Variants in SGCD observed in about 807,000 individuals in gnomAD.
SGCD encodes the protein sarcoglycan delta.
In SGCD, 18 loss-of-function variants were observed where a neutral mutation model predicts 36.6. The ratio of observed to expected loss-of-function variants is 0.49; its 90% CI spans 0.34 to 0.73. SGCD has a LOEUF of 0.73. SGCD is among the 30% of genes least tolerant of loss of function. The probability of loss-of-function intolerance (pLI) is 0.01; values close to 1 mark genes in which losing one functional copy is unlikely to be tolerated. For synonymous variants in SGCD, 133 were observed against 130.6 expected (o/e 1.02, Z -0.12); for missense variants, 387 against 346.7 (o/e 1.12, Z -0.92).
At chr5:155,899,147 C>A (rs1008133207) in intron 1 of SGCD, among the ~76,000 whole-genome samples, 1 of 152,096 alleles carries the variant, frequency 6.6e-6, no homozygotes, top group Non-Finnish European at 1.5e-5. Context: ...TATTTGTATG[C>A]CATGCTAATG....
At chr5:155,729,682 C>CG in the SGCD span, among the ~76,000 whole-genome samples, 3 of 152,180 alleles carry the variant, frequency 2.0e-5, no homozygotes, top group African/African-American at 7.2e-5. Flanking sequence ...CCCCGAGCCC[C>CG]GGGCTGCCTC....
intron 3 of SGCD, among the ~76,000 whole-genome samples, chr5:156,233,351 G>A (rs888089375): frequency 2.0e-5 from 3 of 152,284 alleles, no homozygotes; most frequent in East Asian, 1.9e-4. Context: ...ACATCATAAC[G>A]GGAATTCTCT....
the SGCD span, among the ~76,000 whole-genome samples, chr5:155,858,820 G>T: frequency 1.3e-5 from 2 of 152,016 alleles, no homozygotes; most frequent in Non-Finnish European, 2.9e-5. Context: ...ACCCTGCTAC[G>T]GATTAACTGA....
chr5:156,464,217 T>TA (rs1754623442), intron 3 of SGCD, among the ~76,000 whole-genome samples: 1 of 31,716 alleles, frequency 3.2e-5, no homozygotes, highest in South Asian at 1.7e-3. Flanking sequence ...AATCTACATA[T>TA]TTTTTTTTTT....
At chr5:156,676,297 A>C (rs537567988) in intron 7 of SGCD, among the ~76,000 whole-genome samples, 1 of 152,160 alleles carries the variant, frequency 6.6e-6, no homozygotes, top group Non-Finnish European at 1.5e-5. Flanking sequence ...TCCTGCCTGC[A>C]ACCTGTTGCT....
At chr5:156,312,771 A>C (rs1303385487) in intron 3 of SGCD, among the ~76,000 whole-genome samples, 1 of 152,188 alleles carries the variant, frequency 6.6e-6, no homozygotes, top group Non-Finnish European at 1.5e-5. Flanking sequence ...CATGAAAAGC[A>C]TTTAACATGG....
At chr5:156,338,409 C>A (rs1030688815) in intron 2 of SGCD, among the ~76,000 whole-genome samples, 1 of 152,142 alleles carries the variant, frequency 6.6e-6, no homozygotes, top group Non-Finnish European at 1.5e-5. Flanking sequence ...ACCCATGACC[C>A]TTTTTCATCC....
intron 3 of SGCD, among the ~76,000 whole-genome samples, chr5:156,482,675 G>A (rs1755483989): frequency 6.6e-6 from 1 of 152,020 alleles, no homozygotes; most frequent in South Asian, 2.1e-4. Context: ...CTACTTGTAT[G>A]ATCTGAAGAA....
intron 3 of SGCD, among the ~76,000 whole-genome samples, chr5:156,225,154 G>A (rs1764819271): frequency 6.6e-6 from 1 of 152,040 alleles, no homozygotes; most frequent in Admixed American, 6.6e-5. Context: ...AGGTGTCAGA[G>A]GGCCCCTGCT....
rs191481180 is a variant in SGCD at position 156,576,887 on chromosome 5, C to G, written c.295-12344C>G. Among the ~76,000 whole-genome samples, 106 of 152,130 alleles carry G rather than the reference C, an allele frequency of 7.0e-4. 1 individual carries two copies. Among genetic ancestry groups the G allele is most frequent in the Admixed American group, 2.2e-3 (33 of 15,268 alleles). ...AGGTTACCTGTTCACTCTGATGGTA[C>G]TTTCTTTCGCTGTGCAGAAGCTCTT... On this transcript the variant is annotated intron_variant, in intron 4 of 8. Transcript: ENST00000337851.
At chr5:156,188,303 C>A (rs1763810608) in intron 3 of SGCD, among the ~76,000 whole-genome samples, 1 of 151,846 alleles carries the variant, frequency 6.6e-6, no homozygotes. Context: ...GAGGGACAGT[C>A]AAAAAATAAT....
chr5:156,524,096 A>C (rs1757533356), intron 4 of SGCD, among the ~76,000 whole-genome samples: 1 of 554 alleles, frequency 1.8e-3, no homozygotes, highest in Admixed American at 7.6e-3. Context: ...AGGTCTTACT[A>C]TATATATATA....
intron 5 of SGCD, 133 bp from the exon 6 acceptor site, chr5:156,594,799 G>A: frequency 1.6e-6 from 1 of 617,454 alleles, no homozygotes; most frequent in South Asian, 2.1e-5. Context: ...GAACATTGAA[G>A]TCTCATACAA....
intron 3 of SGCD, among the ~76,000 whole-genome samples, chr5:156,320,800 C>A (rs1767635597): frequency 6.6e-6 from 1 of 152,186 alleles, no homozygotes; most frequent in Non-Finnish European, 1.5e-5. Flanking sequence ...TGTCACTGAG[C>A]CAAACTTCCT....
intron 1 of SGCD, among the ~76,000 whole-genome samples, chr5:155,962,831 AC>A (rs1757819236): frequency 6.6e-6 from 1 of 152,074 alleles, no homozygotes; most frequent in Admixed American, 6.6e-5. Context: ...TCCCGATAAA[AC>A]CACCAGGACT....
At chr5:155,828,296 G>A in the SGCD span, among the ~76,000 whole-genome samples, 1 of 152,166 alleles carries the variant, frequency 6.6e-6, no homozygotes, top group African/African-American at 2.4e-5. Context: ...GATCAGAGGA[G>A]TGAGACTTAG....
intron 3 of SGCD, among the ~76,000 whole-genome samples, chr5:156,236,188 A>AT (rs999020728): frequency 5.3e-5 from 8 of 151,354 alleles, no homozygotes; most frequent in East Asian, 3.9e-4. Flanking sequence ...CGGTTAAATC[A>AT]TTTTTTTTTC....
the SGCD span, among the ~76,000 whole-genome samples, chr5:155,762,006 T>C: frequency 6.6e-6 from 1 of 152,238 alleles, no homozygotes; most frequent in African/African-American, 2.4e-5. Flanking sequence ...TTATCTCTTC[T>C]TTACAAATAT....
chr5:156,073,280 C>A (rs895091319), intron 1 of SGCD, among the ~76,000 whole-genome samples: 1 of 152,158 alleles, frequency 6.6e-6, no homozygotes, highest in Non-Finnish European at 1.5e-5. Flanking sequence ...TACTCTCTCA[C>A]CCAGGCCAGT....
Sources: gnomAD v4.1 joint callset for allele counts (sites outside exome capture counted in the v4.1 genomes callset) on GRCh38, gnomAD v4.1.1 for gene constraint, MANE v1.5 for transcripts, NCBI Gene and HGNC (gene_info 2026-07-23, HGNC 2026-07-21) for gene names.